JAKMIP1: variants seen among roughly 807,000 people sequenced by gnomAD.
JAKMIP1 encodes janus kinase and microtubule interacting protein 1.
In JAKMIP1, 33 loss-of-function variants were observed where a neutral mutation model predicts 113.0. That is an observed-to-expected ratio of 0.29 (90% confidence interval 0.22 to 0.39). JAKMIP1 has a LOEUF of 0.39. Among genes scored for constraint, JAKMIP1 ranks in the 10% least tolerant of loss-of-function variants. The probability of loss-of-function intolerance (pLI) is 1.00; values close to 1 mark genes in which losing one functional copy is unlikely to be tolerated. For missense variants in JAKMIP1, 813 were observed against 1,080.5 expected (o/e 0.75, Z 3.47); for synonymous variants, 480 against 459.9 (o/e 1.04, Z -0.56).
In JAKMIP1 at chr4:6,106,030, G is replaced by A; in HGVS notation, c.130-63C>T. On this transcript the variant is annotated intron_variant, in intron 2 of 20. Transcript: ENST00000409021. The surrounding 1 kb of genome is among the most constrained non-coding windows in gnomAD (Gnocchi z 5.9). ...GGTCAGGGTCAGGGTCAGGGTCAGG[G>A]TCACAGCTGGGGGAGCTGGCCACAG... The A allele has an allele frequency of 8.4e-7, 1 of 1,188,252 alleles. No individual in the cohort carries two copies. The highest frequency in any genetic ancestry group is 1.2e-6 in the Non-Finnish European group (1 of 850,050). The allele number at this position is 1,188,252 out of a possible 1,614,324, so 73.6% of individuals were successfully genotyped here.
chr4:6,060,297 C>T, intron 11 of JAKMIP1, 127 bp downstream of exon 11: 2 of 737,442 alleles, frequency 2.7e-6, no homozygotes, highest in Admixed American at 1.9e-5. Context: ...GTTTTTTCCT[C>T]TAGCGTCTCT....
chr4:6,094,578 C>T lies in JAKMIP1; in HGVS notation c.625-8949G>A, dbSNP rs1336715751. 6.6e-6 allele frequency among the ~76,000 whole-genome samples: 1 copy of T among 152,220 alleles called. No individual in the cohort carries two copies. Among genetic ancestry groups the T allele is most frequent in the Non-Finnish European group, 1.5e-5 (1 of 68,032 alleles). On this transcript the variant is annotated intron_variant, in intron 3 of 20. Transcript: ENST00000409021. The surrounding 1 kb of genome is among the most constrained non-coding windows in gnomAD (Gnocchi z 4.2). The stretch of plus-strand genomic sequence containing the variant: ...TGTTCTCCTAGTTGAGATCCTGAGG[C>T]CCAAGGCCTTAAGCTGTGCCTTGAT...
chr4:6,150,470 G>C lies in JAKMIP1; in HGVS notation c.-147-37473C>G, dbSNP rs944151698. 2 of 152,224 alleles carry C rather than the reference G, an allele frequency of 1.3e-5. No individual in the cohort carries two copies. The highest frequency in any genetic ancestry group is 2.4e-5 in the African/African-American group (1 of 41,434). 9.4% of individuals were successfully genotyped at this position (152,224 alleles called of 1,614,324 possible). A position where few individuals can be genotyped will look rare whatever the true frequency, so the allele number is the denominator to read the frequency against. Reference sequence around the variant, plus strand: ...CCTCTACGTCCCCAGGGCCCTGTCCGGGGCCTGACACAGCAGGTACACAGC... The same window carrying C: ...CCTCTACGTCCCCAGGGCCCTGTCCCGGGCCTGACACAGCAGGTACACAGC... On this transcript the variant is annotated intron_variant, in intron 1 of 20. Transcript: ENST00000409021. This position sits in a 1 kb window ranked among gnomAD's most constrained non-coding sequence, Gnocchi z 4.8.
rs1720264437 is a variant in JAKMIP1 at position 6,142,233 on chromosome 4, A to G, written c.-147-29236T>C. On this transcript the variant is annotated intron_variant, in intron 1 of 20. Transcript: ENST00000409021. This position sits in a 1 kb window ranked among gnomAD's most constrained non-coding sequence, Gnocchi z 5.5. ...ATTTCTGAGGATTTTGTACAGATTTAGAATTTTTTTCCATGGAGAGATTCC... is the reference window on the plus strand; with the variant it reads ...ATTTCTGAGGATTTTGTACAGATTTGGAATTTTTTTCCATGGAGAGATTCC... Among the ~76,000 whole-genome samples the G allele has an allele frequency of 6.6e-6, 1 of 152,194 alleles. No homozygotes were observed. Among genetic ancestry groups the G allele is most frequent in the East Asian group, 1.9e-4 (1 of 5,198 alleles).
rs922450030 is a variant in JAKMIP1, at chr4:6,193,781, G to C, written c.-148+6472C>G. Among the ~76,000 whole-genome samples, 2 of 152,194 alleles carry C rather than the reference G, an allele frequency of 1.3e-5. No individual in the cohort carries two copies. The highest frequency in any genetic ancestry group is 1.3e-4 in the Admixed American group (2 of 15,276). Reference sequence around the variant, plus strand: ...TGAACTGATGCATTAGTGAGCAGGGGAGGAGAGGGTGGAAGAGCCTGCAGA... The same window carrying C: ...TGAACTGATGCATTAGTGAGCAGGGCAGGAGAGGGTGGAAGAGCCTGCAGA... On this transcript the variant is annotated intron_variant, in intron 1 of 20. Transcript: ENST00000409021. The surrounding 1 kb of genome is among the most constrained non-coding windows in gnomAD (Gnocchi z 6.4).
intron 1 of JAKMIP1, among the ~76,000 whole-genome samples, chr4:6,152,790 A>ATATATATATATATATATATG (rs1721747422): frequency 1.2e-5 from 1 of 82,376 alleles, no homozygotes; most frequent in Non-Finnish European, 2.5e-5. Flanking sequence ...AAAAATACAA[A>ATATATATATATATATATATG]TATATATATA....
chr4:6,145,927 G>GT (rs1560271326), intron 1 of JAKMIP1, among the ~76,000 whole-genome samples: 1 of 152,062 alleles, frequency 6.6e-6, no homozygotes, highest in African/African-American at 2.4e-5. Context: ...TTTACAGGCC[G>GT]TATCTCCAAA....
chr4:6,087,065 A>G lies in JAKMIP1; in HGVS notation c.625-1436T>C, dbSNP rs148215466. On this transcript the variant is annotated intron_variant, in intron 3 of 20. Coordinates refer to ENST00000409021, the MANE Select transcript of JAKMIP1 (RefSeq NM_001099433.2). ...GAAGTTTGAGATTATTTGTTGCGGC[A>G]GCTGCAAGGAAACAGATGCAAAGGC... Among the ~76,000 whole-genome samples, 310 of 152,344 alleles carry G rather than the reference A, an allele frequency of 2.0e-3. 2 individuals carry two copies. Among genetic ancestry groups the G allele is most frequent in the African/African-American group, 7.0e-3 (291 of 41,584 alleles).
chr4:6,099,483 A>C (rs1712646064), intron 3 of JAKMIP1, among the ~76,000 whole-genome samples: 1 of 152,186 alleles, frequency 6.6e-6, no homozygotes, highest in South Asian at 2.1e-4. Context: ...GCACAGATCC[A>C]TTTTCCACCA....
At chr4:6,169,352 C>CG (rs944396890) in intron 1 of JAKMIP1, among the ~76,000 whole-genome samples, 3 of 152,064 alleles carry the variant, frequency 2.0e-5, no homozygotes, top group African/African-American at 7.3e-5. Context: ...CTCAGACAGA[C>CG]GCAGCAGGAG....
Position 6,065,474 on chromosome 4 carries a change from A to G in JAKMIP1, c.1303-466T>C, listed in dbSNP as rs967046323. On this transcript the variant is annotated intron_variant, in intron 8 of 20. Coordinates refer to ENST00000409021, the MANE Select transcript of JAKMIP1 (RefSeq NM_001099433.2). This position sits in a 1 kb window ranked among gnomAD's most constrained non-coding sequence, Gnocchi z 5.1. ...AGGGAGATGCTCAGTTCTAAGGAGAAGAACTGGATGAATAAGGACAGCAGA... is the reference window on the plus strand; with the variant it reads ...AGGGAGATGCTCAGTTCTAAGGAGAGGAACTGGATGAATAAGGACAGCAGA... Among the ~76,000 whole-genome samples the G allele has an allele frequency of 7.2e-5, 11 of 152,232 alleles. No homozygotes were observed. Among genetic ancestry groups the G allele is most frequent in the African/African-American group, 2.4e-4 (10 of 41,456 alleles).
Position 6,185,947 on chromosome 4 carries a change from C to A in JAKMIP1, c.-148+14306G>T, listed in dbSNP as rs908446679. ...AAATATGACACTAGTTCAGACTGGA[C>A]TTTTTTTTAATTACCTCAGTGTGGA... is the stretch of plus-strand genomic sequence containing the variant. On this transcript the variant is annotated intron_variant, in intron 1 of 20. Coordinates refer to ENST00000409021, the MANE Select transcript of JAKMIP1 (RefSeq NM_001099433.2). The surrounding 1 kb of genome is among the most constrained non-coding windows in gnomAD (Gnocchi z 5.3). 6.6e-6 allele frequency among the ~76,000 whole-genome samples: 1 copy of A among 152,042 alleles called. No homozygotes were observed. Among genetic ancestry groups the A allele is most frequent in the African/African-American group, 2.4e-5 (1 of 41,394 alleles).
intron 16 of JAKMIP1, among the ~76,000 whole-genome samples, chr4:6,047,506 G>A (rs575749021): frequency 1.3e-5 from 2 of 152,286 alleles, no homozygotes; most frequent in South Asian, 2.1e-4. Context: ...AGTCATCCCC[G>A]TCCCGCGGTT....
chr4:6,049,890 C>T lies in JAKMIP1; in HGVS notation c.1909-18G>A, dbSNP rs199908102. On this transcript the variant is annotated intron_variant, in intron 14 of 20. Coordinates refer to ENST00000409021, the MANE Select transcript of JAKMIP1 (RefSeq NM_001099433.2). The surrounding 1 kb of genome is among the most constrained non-coding windows in gnomAD (Gnocchi z 7.0). ...TTCACATCCTGGAAGAGATTTCCAA[C>T]GTTCATTTTTGTGTGAGCTACAGAG... The T allele has an allele frequency of 4.9e-4, 793 of 1,602,098 alleles. 2 individuals are homozygous for T. The highest frequency in any genetic ancestry group is 6.2e-4 in the Non-Finnish European group (721 of 1,169,892).
rs1373785312 is a variant in JAKMIP1, at chr4:6,140,659, T to C, written c.-147-27662A>G. Among the ~76,000 whole-genome samples, 1 of 152,144 alleles carries C rather than the reference T, an allele frequency of 6.6e-6. No individual in the cohort carries two copies. Among genetic ancestry groups the C allele is most frequent in the Non-Finnish European group, 1.5e-5 (1 of 68,044 alleles). On this transcript the variant is annotated intron_variant, in intron 1 of 20. Transcript: ENST00000409021. The surrounding 1 kb of genome is among the most constrained non-coding windows in gnomAD (Gnocchi z 9.4). ...TTTGTTTATCTCCTTTTGATCTGTC[T>C]TCTCCAAGACATTTTCCACAATGAA...
Position 6,092,992 on chromosome 4 carries a change from A to T in JAKMIP1, c.625-7363T>A, listed in dbSNP as rs896235864. Among the ~76,000 whole-genome samples, 172 of 152,156 alleles carry T rather than the reference A, an allele frequency of 1.1e-3. 1 individual carries two copies. The highest frequency in any genetic ancestry group is 3.6e-3 in the African/African-American group (150 of 41,442). On this transcript the variant is annotated intron_variant, in intron 3 of 20. Coordinates refer to ENST00000409021, the MANE Select transcript of JAKMIP1 (RefSeq NM_001099433.2). ...GGATTCCATTATATTTTCATTTTGT[A>T]TTTTACTGGGAATCCAAGTATCACA...
intron 1 of JAKMIP1, among the ~76,000 whole-genome samples, chr4:6,149,956 C>G (rs7677615): frequency 6.6e-6 from 1 of 152,164 alleles, no homozygotes; most frequent in Non-Finnish European, 1.5e-5. Context: ...TGCTCTGCAC[C>G]TTCCACTGCC....
intron 5 of JAKMIP1, among the ~76,000 whole-genome samples, chr4:6,082,829 C>T (rs1257729452): frequency 6.6e-6 from 1 of 152,092 alleles, no homozygotes; most frequent in Non-Finnish European, 1.5e-5. Context: ...CCTAAAGATC[C>T]ACCACTGGGA....
Position 6,197,709 on chromosome 4 carries a change from C to G in JAKMIP1, c.-148+2544G>C, listed in dbSNP as rs190709761. Among the ~76,000 whole-genome samples, 564 of 152,332 alleles carry G rather than the reference C, an allele frequency of 3.7e-3. 1 individual carries two copies. Among genetic ancestry groups the G allele is most frequent in the Non-Finnish European group, 5.8e-3 (397 of 68,034 alleles). ...GCCCCCATTTAGTTAGAAAGCCCAGCAGGGAGGCACTTGCCCAGTCACAGC... is the reference window on the plus strand; with the variant it reads ...GCCCCCATTTAGTTAGAAAGCCCAGGAGGGAGGCACTTGCCCAGTCACAGC... On this transcript the variant is annotated intron_variant, in intron 1 of 20. Transcript: ENST00000409021. The surrounding 1 kb of genome is among the most constrained non-coding windows in gnomAD (Gnocchi z 6.5).
Sources: allele counts gnomAD v4.1 joint callset (sites outside exome capture counted in the v4.1 genomes callset), GRCh38; gene constraint gnomAD v4.1.1; non-coding constraint Gnocchi (gnomAD v3.1); transcripts MANE v1.5; gene names NCBI Gene and HGNC (gene_info 2026-07-23, HGNC 2026-07-21).